OCA2: variants seen among roughly 807,000 people sequenced by gnomAD.
OCA2 encodes the protein OCA2 melanosomal transmembrane protein, also known as P protein.
Under a neutral mutation model 100.2 loss-of-function variants are expected in OCA2, and 77 were observed. The ratio of observed to expected loss-of-function variants is 0.77; its 90% CI spans 0.64 to 0.93. The LOEUF (loss-of-function observed/expected upper bound fraction) is 0.93. Among genes scored for constraint, OCA2 ranks in the 40% least tolerant of loss-of-function variants. OCA2 has a pLI of 0.00. For synonymous variants in OCA2, 432 were observed against 439.2 expected, an observed-to-expected ratio of 0.98 and a Z score of 0.21; for missense variants, 1,062 against 1,089.1, an observed-to-expected ratio of 0.98 and a Z score of 0.35.
chr15:28,088,089 A>G (rs1228805900), intron 1 of OCA2, among the ~76,000 whole-genome samples: 1 of 152,198 alleles, frequency 6.6e-6, no homozygotes, highest in Non-Finnish European at 1.5e-5. Context: ...GGTAAGTCCA[A>G]GCAAGATTCT....
chr15:27,751,618 C>CG (rs1335669748), downstream of OCA2, among the ~76,000 whole-genome samples: 1 of 152,242 alleles, frequency 6.6e-6, no homozygotes, highest in Admixed American at 6.5e-5. Context: ...CAAGCAAGTG[C>CG]AGCTCACAGG....
chr15:27,787,685 A>C (rs531336821), intron 23 of OCA2, among the ~76,000 whole-genome samples: 1 of 152,054 alleles, frequency 6.6e-6, no homozygotes, highest in East Asian at 1.9e-4. Flanking sequence ...ATTTTTAAAG[A>C]ATCAATTTGG....
intron 1 of OCA2, among the ~76,000 whole-genome samples, chr15:28,086,075 C>G (rs929716807): frequency 6.6e-6 from 1 of 152,196 alleles, no homozygotes; most frequent in Non-Finnish European, 1.5e-5. Context: ...TGGACATTCA[C>G]CGTTGCTGAG....
chr15:27,750,325 CTAAGTA>C (rs2150962032), downstream of OCA2, among the ~76,000 whole-genome samples: 1 of 152,304 alleles, frequency 6.6e-6, no homozygotes, highest in South Asian at 2.1e-4. Flanking sequence ...GAAATGGAAT[CTAAGTA>C]TATTACATCC....
At chr15:28,012,341 G>A (rs1216337013) in intron 9 of OCA2, among the ~76,000 whole-genome samples, 1 of 152,184 alleles carries the variant, frequency 6.6e-6, no homozygotes, top group African/African-American at 2.4e-5. Flanking sequence ...AACAAGCCGT[G>A]TAGGGAGACC....
At chr15:28,014,392 C>T (rs1490455939) in intron 9 of OCA2, among the ~76,000 whole-genome samples, 5 of 152,220 alleles carry the variant, frequency 3.3e-5, no homozygotes, top group Non-Finnish European at 5.9e-5. Context: ...CACAACCCCA[C>T]GGTGCAGGTG....
chr15:27,762,448 A>T (rs1487121420), intron 23 of OCA2, among the ~76,000 whole-genome samples: 1 of 152,180 alleles, frequency 6.6e-6, no homozygotes, highest in Non-Finnish European at 1.5e-5. Flanking sequence ...CACTCAAAAA[A>T]AGTTAACCCC....
intron 17 of OCA2, among the ~76,000 whole-genome samples, chr15:27,952,245 G>T (rs2140624881): frequency 6.6e-6 from 1 of 152,294 alleles, no homozygotes; most frequent in African/African-American, 2.4e-5. Context: ...GGGCCATGAG[G>T]CTGAGCCTTC....
chr15:28,070,569 C>T (rs1329895927), intron 2 of OCA2, among the ~76,000 whole-genome samples: 2 of 147,180 alleles, frequency 1.4e-5, no homozygotes, highest in African/African-American at 2.5e-5. Context: ...CGGCCAGCCG[C>T]CCCGTCTGGG....
Position 27,759,089 on chromosome 15 carries a change from C to T in OCA2, c.2433-3617G>A, listed in dbSNP as rs568846217. On this transcript the variant is annotated intron_variant, in intron 23 of 23. Coordinates refer to ENST00000354638, the MANE Select transcript of OCA2 (RefSeq NM_000275.3). Reference sequence around the variant, plus strand: ...GCAGTCAGAGATAAATGACAATTTACCTATAGAGAAAAACTACAAGTTTCT... The same window carrying T: ...GCAGTCAGAGATAAATGACAATTTATCTATAGAGAAAAACTACAAGTTTCT... 7.7e-4 allele frequency among the ~76,000 whole-genome samples: 117 copies of T among 152,128 alleles called. 1 individual carries two copies. The highest frequency in any genetic ancestry group is 2.7e-3 in the African/African-American group (113 of 41,510).
rs369217576 is a variant in OCA2 at position 28,022,450 on chromosome 15, G to A, written c.646+51C>T. On this transcript the variant is annotated intron_variant, in intron 6 of 23. Coordinates refer to ENST00000354638, the MANE Select transcript of OCA2 (RefSeq NM_000275.3). ...CAACCGTCTGCAAGTGTCTCCTTGTGTTTCAGATCTCAGCCAGGCGGCTGG... is the reference window on the plus strand; with the variant it reads ...CAACCGTCTGCAAGTGTCTCCTTGTATTTCAGATCTCAGCCAGGCGGCTGG... The A allele has an allele frequency of 7.7e-5, 102 of 1,320,552 alleles. No individual in the cohort carries two copies. In the African/African-American group the frequency reaches 1.2e-3, roughly 16 times the overall value. 81.8% of individuals were successfully genotyped at this position (1,320,552 alleles called of 1,614,324 possible). A position where few individuals can be genotyped will look rare whatever the true frequency, so the allele number is the denominator to read the frequency against.
chr15:27,757,603 C>G (rs2030488647), intron 23 of OCA2, among the ~76,000 whole-genome samples: 1 of 152,238 alleles, frequency 6.6e-6, no homozygotes, highest in Admixed American at 6.5e-5. Context: ...AATTCCTGCT[C>G]TTGCCCAGTG....
chr15:27,967,517 A>G (rs989649862), intron 14 of OCA2, among the ~76,000 whole-genome samples: 1 of 152,202 alleles, frequency 6.6e-6, no homozygotes, highest in African/African-American at 2.4e-5. Context: ...ATACTAAACT[A>G]TATGATAATA....
intron 23 of OCA2, among the ~76,000 whole-genome samples, chr15:27,839,301 A>C (rs1015930957): frequency 2.0e-5 from 3 of 152,254 alleles, no homozygotes; most frequent in African/African-American, 7.2e-5. Context: ...AAAAAGATAT[A>C]CACATAGAGA....
chr15:27,876,706 T>C (rs890444618), intron 19 of OCA2, among the ~76,000 whole-genome samples: 1 of 151,932 alleles, frequency 6.6e-6, no homozygotes, highest in African/African-American at 2.4e-5. Flanking sequence ...TTCATGTAGG[T>C]TGTTGACTGT....
At chr15:27,850,493 C>T (rs1360182592) in intron 22 of OCA2, among the ~76,000 whole-genome samples, 23 of 152,102 alleles carry the variant, frequency 1.5e-4, no homozygotes, top group Admixed American at 1.4e-3. Context: ...GGGACTGGTT[C>T]TTAGGGGCAA....
intron 19 of OCA2, among the ~76,000 whole-genome samples, chr15:27,910,670 A>G (rs1289630420): frequency 6.6e-6 from 1 of 150,584 alleles, no homozygotes; most frequent in African/African-American, 2.5e-5. Flanking sequence ...AAAAAAAAAA[A>G]CATACGGCTG....
chr15:27,859,775 T>A (rs1448170354), intron 21 of OCA2, among the ~76,000 whole-genome samples: 1 of 152,128 alleles, frequency 6.6e-6, no homozygotes, highest in Non-Finnish European at 1.5e-5. Context: ...TATACCAACG[T>A]TCTTACAGGA....
chr15:27,908,534 C>A (rs75566405), intron 19 of OCA2, among the ~76,000 whole-genome samples: 5 of 152,162 alleles, frequency 3.3e-5, no homozygotes, highest in Non-Finnish European at 7.3e-5. Context: ...AGGAATTCTG[C>A]GAGTCAGCAT....
Sources: gnomAD v4.1 joint callset for allele counts (sites outside exome capture counted in the v4.1 genomes callset) on GRCh38, gnomAD v4.1.1 for gene constraint, MANE v1.5 for transcripts, NCBI Gene and HGNC (gene_info 2026-07-23, HGNC 2026-07-21) for gene names.